CYGB: variants seen among roughly 807,000 people sequenced by gnomAD.
CYGB encodes cytoglobin, also known as histoglobin.
A neutral mutation model predicts 20.7 loss-of-function variants in CYGB; 13 were observed. That is an observed-to-expected ratio of 0.63 (90% CI 0.41 to 1.00). The LOEUF (loss-of-function observed/expected upper bound fraction) is 1.00. CYGB is among the 50% of genes least tolerant of loss of function. The probability of loss-of-function intolerance (pLI) is 0.00; values close to 1 mark genes in which losing one functional copy is unlikely to be tolerated. For missense variants in CYGB, 218 were observed against 257.2 expected, an observed-to-expected ratio of 0.85 and a Z score of 1.04; for synonymous variants, 93 against 107.4, an observed-to-expected ratio of 0.87 and a Z score of 0.83.
chr17:76,531,380 G>C lies in CYGB; in HGVS notation c.375+80C>G. Reference sequence around the variant, plus strand: ...CGGGGATCACCTCTGTTGCTCCAGAGAGCCGTCGCAGAGCCTGCGAGCTGC... The same window carrying C: ...CGGGGATCACCTCTGTTGCTCCAGACAGCCGTCGCAGAGCCTGCGAGCTGC... On this transcript the variant is annotated intron_variant, in intron 2 of 3. Coordinates refer to ENST00000293230, the MANE Select transcript of CYGB (RefSeq NM_134268.5). The surrounding 1 kb of genome is among the most constrained non-coding windows in gnomAD (Gnocchi z 7.4). 1 of 1,508,590 alleles carries C rather than the reference G, an allele frequency of 6.6e-7. No individual in the cohort carries two copies. The highest frequency in any genetic ancestry group is 9.0e-7 in the Non-Finnish European group (1 of 1,105,504). The allele number at this position is 1,508,590 out of a possible 1,614,324, so 93.5% of individuals were successfully genotyped here.
rs939688942 is a variant in CYGB at position 76,530,741 on chromosome 17, C to T, written c.539+238G>A. 5.3e-5 allele frequency among the ~76,000 whole-genome samples: 8 copies of T among 152,130 alleles called. No homozygotes were observed. The highest frequency in any genetic ancestry group is 2.9e-5 in the Non-Finnish European group (2 of 68,024). ...CCTGGCTCTAGGGAAGGGGAAGGCT[C>T]TTTGGGAGGATTTTTGCTCAGGGCT... On this transcript the variant is annotated intron_variant, in intron 3 of 3. Transcript: ENST00000293230. The surrounding 1 kb of genome is among the most constrained non-coding windows in gnomAD (Gnocchi z 6.1).
chr17:76,534,413 C>T (rs557879097), intron 1 of CYGB, among the ~76,000 whole-genome samples: 20 of 152,192 alleles, frequency 1.3e-4, no homozygotes, highest in Non-Finnish European at 2.5e-4. Flanking sequence ...TCCTGACCTC[C>T]GGTGATCTGC....
At position 76,546,128 on chromosome 17, in the gene CYGB, T is replaced by G. The variant is rs2075050650; in HGVS notation, c.-53+4734A>C. 1 of 152,390 alleles carries G rather than the reference T, an allele frequency of 6.6e-6. No homozygotes were observed. Among genetic ancestry groups the G allele is most frequent in the South Asian group, 2.1e-4 (1 of 4,838 alleles). 9.4% of individuals were successfully genotyped at this position (152,390 alleles called of 1,614,324 possible). A position where few individuals can be genotyped will look rare whatever the true frequency, so the allele number is the denominator to read the frequency against. On this transcript the variant is annotated intron_variant, in intron 1 of 3. Transcript: ENST00000589145. This position sits in a 1 kb window ranked among gnomAD's most constrained non-coding sequence, Gnocchi z 4.5. The stretch of plus-strand genomic sequence containing the variant: ...GACAAGACGGGAGGCGCTGCCCTGC[T>G]GTGGTACCTTCCTCCGTGTGAATGC...
chr17:76,540,413 C>T (rs999334657), upstream of CYGB: 5 of 1,424,096 alleles, frequency 3.5e-6, no homozygotes, highest in Non-Finnish European at 5.0e-6. The surrounding 1 kb of genome is among the most constrained non-coding windows in gnomAD (Gnocchi z 5.0). Context: ...GCAGCCTCTA[C>T]TCCCATAGCC....
chr17:76,548,023 C>T (rs2075071909), intron 1 of CYGB, among the ~76,000 whole-genome samples: 1 of 151,964 alleles, frequency 6.6e-6, no homozygotes. Flanking sequence ...CACATGCATA[C>T]ACAGACATAC....
intron 1 of CYGB, chr17:76,544,608 C>G (rs902869199): frequency 8.8e-6 from 4 of 456,628 alleles, no homozygotes; most frequent in Non-Finnish European, 1.3e-5. Context: ...GCCGTGAGCC[C>G]GTGATCGCCT....
At position 76,532,004 on chromosome 17, in the gene CYGB, T is replaced by G. The variant is rs1487790929; in HGVS notation, c.144-313A>C. On this transcript the variant is annotated intron_variant, in intron 1 of 3. Coordinates refer to ENST00000293230, the MANE Select transcript of CYGB (RefSeq NM_134268.5). ...ACACCCCCTTCAAGCCCTGCTCTAG[T>G]CATAGCCGAGAGGGTAAGAACTCAG... is the stretch of plus-strand genomic sequence containing the variant. 3 of 266,892 alleles carry G rather than the reference T, an allele frequency of 1.1e-5. No individual in the cohort carries two copies. In the Admixed American group the frequency reaches 1.4e-4, roughly 13 times the overall value. The allele number at this position is 266,892 out of a possible 1,614,324, so 16.5% of individuals were successfully genotyped here.
At chr17:76,540,502 C>G (rs200091367), upstream of CYGB, 98 of 1,613,698 alleles carry the variant, frequency 6.1e-5, no homozygotes, top group Non-Finnish European at 7.5e-5. The surrounding 1 kb of genome is among the most constrained non-coding windows in gnomAD (Gnocchi z 5.0). Flanking sequence ...TTGCCTCCCA[C>G]AGAGAGCCCA....
At chr17:76,540,569 G>A (rs2074979615), upstream of CYGB, 2 of 1,613,370 alleles carry the variant, frequency 1.2e-6, no homozygotes, top group Admixed American at 3.3e-5. The surrounding 1 kb of genome is among the most constrained non-coding windows in gnomAD (Gnocchi z 5.0). Flanking sequence ...TCAGTCCTCA[G>A]GCAGGTAAGG....
chr17:76,545,710 A>G (rs1016251090), intron 1 of CYGB: 19 of 274,728 alleles, frequency 6.9e-5, no homozygotes, highest in African/African-American at 4.2e-4. Flanking sequence ...TCTGTCTCTT[A>G]GAGTTGTAAG....
intron 1 of CYGB, among the ~76,000 whole-genome samples, chr17:76,535,781 G>A (rs1472653583): frequency 6.6e-6 from 1 of 152,208 alleles, no homozygotes; most frequent in Non-Finnish European, 1.5e-5. Context: ...CCCTACCCTG[G>A]TCCCCTTCCT....
chr17:76,547,700 G>T (rs1206761136), intron 1 of CYGB, among the ~76,000 whole-genome samples: 10 of 135,906 alleles, frequency 7.4e-5, no homozygotes, highest in African/African-American at 2.8e-4. Context: ...CACACACACA[G>T]ACACACACAC....
intron 1 of CYGB, among the ~76,000 whole-genome samples, chr17:76,536,278 G>T (rs1028008044): frequency 6.6e-6 from 1 of 152,130 alleles, no homozygotes; most frequent in African/African-American, 2.4e-5. Context: ...GAGCTGGGTC[G>T]GTCCCAGGCT....
At chr17:76,547,850 CACAG>C (rs879830898) in intron 1 of CYGB, among the ~76,000 whole-genome samples, 3,924 of 131,634 alleles carry the variant, frequency 0.03, 64 homozygotes, top group Middle Eastern at 0.054. Flanking sequence ...TTCACACACA[CACAG>C]ACATACACAT....
At position 76,528,024 on chromosome 17, in the gene CYGB, T is replaced by G. The variant is rs2074787477; in HGVS notation, c.*554A>C. ...TTTCCTCTTTGCCAGAACACTCTGTTCTCTGCACAACCGGAACCCCTCCCT... is the reference window on the plus strand; with the variant it reads ...TTTCCTCTTTGCCAGAACACTCTGTGCTCTGCACAACCGGAACCCCTCCCT... On this transcript the variant is annotated 3_prime_UTR_variant, in exon 4 of 4. Coordinates refer to ENST00000293230, the MANE Select transcript of CYGB (RefSeq NM_134268.5). This position sits in a 1 kb window ranked among gnomAD's most constrained non-coding sequence, Gnocchi z 5.8. The G allele has an allele frequency of 5.4e-6, 2 of 367,154 alleles. No homozygotes were observed. The highest frequency in any genetic ancestry group is 1.1e-5 in the Non-Finnish European group (2 of 187,678). 22.7% of individuals were successfully genotyped at this position (367,154 alleles called of 1,614,324 possible). A position where few individuals can be genotyped will look rare whatever the true frequency, so the allele number is the denominator to read the frequency against.
chr17:76,529,096 G>C (rs1214732667), intron 3 of CYGB: 1 of 973,172 alleles, frequency 1.0e-6, no homozygotes, highest in African/African-American at 1.9e-5. Context: ...GAGCAGAGAC[G>C]GCTCAATAAA....
upstream of CYGB, chr17:76,540,704 C>T (rs2143146907): frequency 5.7e-6 from 5 of 870,230 alleles, no homozygotes; most frequent in Non-Finnish European, 9.4e-6. This position sits in a 1 kb window ranked among gnomAD's most constrained non-coding sequence, Gnocchi z 5.0. Context: ...GCCCTAAGCA[C>T]CCTGCTCCCT....
At chr17:76,534,328 G>A (rs2074890236) in intron 1 of CYGB, among the ~76,000 whole-genome samples, 1 of 152,030 alleles carries the variant, frequency 6.6e-6, no homozygotes, top group East Asian at 1.9e-4. Flanking sequence ...ACAGGTGCCC[G>A]CCACCACACC....
chr17:76,529,710 G>T lies in CYGB; in HGVS notation c.540-1099C>A, dbSNP rs144116933. ...TGTCTTTTCCCTGGACCCTCTGGGT[G>T]ACAGCTGGTGGGGGGTGAGGGGGCA... On this transcript the variant is annotated intron_variant, in intron 3 of 3. Coordinates refer to ENST00000293230, the MANE Select transcript of CYGB (RefSeq NM_134268.5). 1.6e-4 allele frequency: 161 copies of T among 985,418 alleles called. No individual in the cohort carries two copies. In the African/African-American group the frequency reaches 2.7e-3, roughly 16 times the overall value. The allele number at this position is 985,418 out of a possible 1,614,324, so 61.0% of individuals were successfully genotyped here.
Sources: allele counts gnomAD v4.1 joint callset (sites outside exome capture counted in the v4.1 genomes callset), GRCh38; gene constraint gnomAD v4.1.1; non-coding constraint Gnocchi (gnomAD v3.1); transcripts MANE v1.5; gene names NCBI Gene and HGNC (gene_info 2026-07-23, HGNC 2026-07-21).